Variants in SLC2A9 observed in about 807,000 individuals in gnomAD.
SLC2A9 encodes the protein solute carrier family 2, facilitated glucose transporter member 9.
SLC2A9 carries 39 observed loss-of-function variants against 50.6 expected under a neutral mutation model. The observed-to-expected ratio is 0.77, with a 90% CI of 0.60 to 1.01. The LOEUF is 1.01. Ranked by LOEUF, SLC2A9 falls within the 50% of genes least tolerant of loss-of-function variation. The pLI is 0.00. For synonymous variants in SLC2A9, 324 were observed against 276.9 expected (o/e 1.17, Z -1.69); for missense variants, 686 against 677.6 (o/e 1.01, Z -0.14).
At chr4:9,773,600 GC>G (rs1717131214) in intron 1 of SLC2A9, among the ~76,000 whole-genome samples, 1 of 152,232 alleles carries the variant, frequency 6.6e-6, no homozygotes, top group South Asian at 2.1e-4. Flanking sequence ...TTTTGCAGGA[GC>G]CAGGCATGTG....
intron 6 of SLC2A9, among the ~76,000 whole-genome samples, chr4:9,932,022 T>C (rs1027129168): frequency 6.9e-5 from 9 of 130,766 alleles, no homozygotes; most frequent in Non-Finnish European, 1.4e-4. Flanking sequence ...TTGGAAAATC[T>C]CTCTCATGAG....
intron 10 of SLC2A9, among the ~76,000 whole-genome samples, chr4:9,868,015 C>T (rs193133179): frequency 1.3e-5 from 2 of 152,212 alleles, no homozygotes; most frequent in East Asian, 1.9e-4. Flanking sequence ...GGCAATTCTG[C>T]CCATGCTGAC....
intron 2 of SLC2A9, among the ~76,000 whole-genome samples, chr4:10,001,149 G>A (rs541996790): frequency 2.0e-5 from 3 of 152,098 alleles, no homozygotes; most frequent in Non-Finnish European, 2.9e-5. Context: ...AGACAGACAC[G>A]GGTACAGAGT....
intron 3 of SLC2A9, among the ~76,000 whole-genome samples, chr4:9,794,056 C>A (rs1298284371): frequency 6.6e-6 from 1 of 152,090 alleles, no homozygotes; most frequent in African/African-American, 2.4e-5. Flanking sequence ...AACCACCATG[C>A]TTACATCTTG....
intron 8 of SLC2A9, among the ~76,000 whole-genome samples, chr4:9,891,064 G>A (rs1737320798): frequency 6.6e-6 from 1 of 152,226 alleles, no homozygotes; most frequent in Non-Finnish European, 1.5e-5. Context: ...CTGCATGGAA[G>A]GTGACTCCTC....
chr4:9,859,341 T>C (rs931638165), intron 10 of SLC2A9, among the ~76,000 whole-genome samples: 1 of 152,224 alleles, frequency 6.6e-6, no homozygotes, highest in African/African-American at 2.4e-5. Context: ...ACATCTACCA[T>C]GTGCTGACCA....
intron 8 of SLC2A9, among the ~76,000 whole-genome samples, chr4:9,891,510 G>A (rs887883489): frequency 6.6e-6 from 1 of 152,322 alleles, no homozygotes; most frequent in South Asian, 2.1e-4. Context: ...CCTTCCACAA[G>A]AGTGTCTGGA....
At chr4:9,902,476 G>A (rs1218921085) in intron 8 of SLC2A9, among the ~76,000 whole-genome samples, 10 of 152,184 alleles carry the variant, frequency 6.6e-5, no homozygotes, top group Admixed American at 3.3e-4. Flanking sequence ...GAGTAACTGC[G>A]TGAGTTTCCC....
intron 3 of SLC2A9, among the ~76,000 whole-genome samples, chr4:9,808,928 G>T (rs1336225402): frequency 6.6e-6 from 1 of 152,146 alleles, no homozygotes; most frequent in Non-Finnish European, 1.5e-5. Context: ...TACCTGGGAG[G>T]CATCAATTCT....
chr4:9,846,524 GC>G (rs1228594077), intron 10 of SLC2A9, among the ~76,000 whole-genome samples: 1 of 152,158 alleles, frequency 6.6e-6, no homozygotes, highest in Non-Finnish European at 1.5e-5. Flanking sequence ...CTCTCAGTGG[GC>G]TCCTCTGGCT....
intron 3 of SLC2A9, among the ~76,000 whole-genome samples, chr4:9,786,566 G>C (rs1719247949): frequency 6.6e-6 from 1 of 152,172 alleles, no homozygotes; most frequent in Admixed American, 6.5e-5. Context: ...GGCACCCTAG[G>C]GTTATGGGCA....
intron 11 of SLC2A9, among the ~76,000 whole-genome samples, chr4:9,828,823 CCTT>C (rs1201006892): frequency 2.6e-5 from 4 of 152,220 alleles, no homozygotes; most frequent in African/African-American, 9.6e-5. Flanking sequence ...TGTTTATTAA[CCTT>C]CTCCCTACCA....
upstream of SLC2A9, among the ~76,000 whole-genome samples, chr4:10,023,400 A>G (rs796195615): frequency 2.0e-5 from 3 of 152,042 alleles, no homozygotes; most frequent in South Asian, 4.2e-4. Context: ...TCCTCATCCC[A>G]TTGCTGTGAC....
intron 8 of SLC2A9, among the ~76,000 whole-genome samples, chr4:9,904,181 T>C (rs1365992479): frequency 6.6e-6 from 1 of 152,146 alleles, no homozygotes; most frequent in African/African-American, 2.4e-5. Context: ...ACAGACTCAG[T>C]GGCTTAAAAC....
At chr4:10,019,179 G>T in intron 1 of SLC2A9, 106 bp from the exon 2 acceptor site, 1 of 908,808 alleles carries the variant, frequency 1.1e-6, no homozygotes, top group Non-Finnish European at 1.8e-6. Flanking sequence ...CGGAGGAGAA[G>T]TCTTTGTCCT....
At chr4:9,955,443 C>T (rs570502682) in intron 5 of SLC2A9, among the ~76,000 whole-genome samples, 2,647 of 44,564 alleles carry the variant, frequency 0.059, 1,017 homozygotes, top group African/African-American at 0.39. Flanking sequence ...TGCAGTGAGC[C>T]GAGATTGCGC....
chr4:9,993,220 A>G (rs1476316969), intron 3 of SLC2A9, among the ~76,000 whole-genome samples: 1 of 152,160 alleles, frequency 6.6e-6, no homozygotes, highest in African/African-American at 2.4e-5. Flanking sequence ...GTGTTTTCCT[A>G]TAGTTTCTTA....
chr4:10,013,823 C>T (rs1487996223), intron 2 of SLC2A9, among the ~76,000 whole-genome samples: 1 of 152,138 alleles, frequency 6.6e-6, no homozygotes, highest in Admixed American at 6.5e-5. Context: ...CACCTGGGCC[C>T]CCAGTTATCT....
intron 4 of SLC2A9, among the ~76,000 whole-genome samples, chr4:9,982,169 T>C (rs1486158756): frequency 1.3e-5 from 2 of 152,234 alleles, no homozygotes; most frequent in Admixed American, 6.5e-5. Context: ...CGTGAGCCAC[T>C]GCGCCCGGAC....
Sources: allele counts gnomAD v4.1 joint callset (sites outside exome capture counted in the v4.1 genomes callset), GRCh38; gene constraint gnomAD v4.1.1; transcripts MANE v1.5; gene names NCBI Gene and HGNC (gene_info 2026-07-23, HGNC 2026-07-21).